CHN1: variants seen among roughly 807,000 people sequenced by gnomAD.
CHN1 encodes chimerin 1.
Under a neutral mutation model 59.5 loss-of-function variants are expected in CHN1, and 37 were observed. That is an observed-to-expected ratio of 0.62 (90% CI 0.48 to 0.82). CHN1 has a LOEUF of 0.82. CHN1 is among the 40% of genes least tolerant of loss of function. CHN1 has a pLI of 0.00. For synonymous variants in CHN1, 206 were observed against 200.4 expected (o/e 1.03, Z -0.24); for missense variants, 469 against 571.0 (o/e 0.82, Z 1.82).
At chr2:174,999,698 G>A (rs1410934173) in intron 1 of CHN1, among the ~76,000 whole-genome samples, 2 of 152,174 alleles carry the variant, frequency 1.3e-5, no homozygotes, top group African/African-American at 4.8e-5. Flanking sequence ...TTTACGTTAT[G>A]CAGAAAGCAG....
In CHN1 at chr2:174,827,767, C is replaced by A. The variant is rs376033613; in HGVS notation, c.628-3249G>T. On this transcript the variant is annotated intron_variant, in intron 7 of 12. Transcript: ENST00000409900. ...TATTTAGGAGGCAGAATCAACAGCG[C>A]TTGGTAACTAATTGAAACAGAGGCA... Among the ~76,000 whole-genome samples the A allele has an allele frequency of 9.0e-4, 137 of 152,228 alleles. 3 individuals are homozygous for A. The South Asian group carries it at 0.026, about 29-fold the overall frequency.
chr2:175,003,754 A>G (rs1210643062), intron 1 of CHN1, among the ~76,000 whole-genome samples: 1 of 152,240 alleles, frequency 6.6e-6, no homozygotes, highest in East Asian at 1.9e-4. Context: ...ACAGTCCCAG[A>G]CTGAAGCCTG....
At chr2:174,817,792 C>T (rs1205954623) in intron 8 of CHN1, among the ~76,000 whole-genome samples, 1 of 152,132 alleles carries the variant, frequency 6.6e-6, no homozygotes, top group Non-Finnish European at 1.5e-5. Flanking sequence ...CGCCCGCCAC[C>T]ACGCCTGGCT....
Position 174,913,123 on chromosome 2 carries a change from CTG to C in CHN1, c.260+1933_260+1934del, listed in dbSNP as rs150997244. On this transcript the variant is annotated intron_variant, in intron 5 of 12. Coordinates refer to ENST00000409900, the MANE Select transcript of CHN1 (RefSeq NM_001822.7). ...ATTTGCTGGTATCAGCTGGTGAAAA[CTG>C]TGTGACAGATATAAGATGACAGGCA... Among the ~76,000 whole-genome samples, 266 of 152,262 alleles carry C rather than the reference CTG, an allele frequency of 1.7e-3. 1 individual carries two copies. The highest frequency in any genetic ancestry group is 6.0e-3 in the African/African-American group (250 of 41,538).
chr2:174,884,689 C>A (rs1035464163), intron 5 of CHN1, among the ~76,000 whole-genome samples: 2 of 152,208 alleles, frequency 1.3e-5, no homozygotes, highest in Admixed American at 6.5e-5. Flanking sequence ...AATGGCCAAA[C>A]CCACATTAAG....
chr2:174,903,252 T>G (rs1688445997), intron 5 of CHN1, among the ~76,000 whole-genome samples: 1 of 152,206 alleles, frequency 6.6e-6, no homozygotes, highest in Admixed American at 6.5e-5. Context: ...GATCTTAAAC[T>G]ACCAATTAGC....
intron 8 of CHN1, among the ~76,000 whole-genome samples, chr2:174,818,567 TA>T (rs1291847539): frequency 3.3e-5 from 5 of 152,136 alleles, no homozygotes; most frequent in Admixed American, 1.3e-4. Context: ...AAAAGGTCCA[TA>T]AATGATTTCA....
At chr2:174,885,329 G>C (rs1368594393) in intron 5 of CHN1, among the ~76,000 whole-genome samples, 1 of 151,418 alleles carries the variant, frequency 6.6e-6, no homozygotes, top group African/African-American at 2.4e-5. Context: ...ACATATAACT[G>C]CCAAAATATA....
At chr2:174,861,111 A>G (rs1687054754) in intron 6 of CHN1, among the ~76,000 whole-genome samples, 1 of 152,224 alleles carries the variant, frequency 6.6e-6, no homozygotes, top group African/African-American at 2.4e-5. Context: ...GCTCTTGAGT[A>G]AAAACTAGCT....
chr2:174,821,017 C>T (rs1685474442), intron 8 of CHN1, among the ~76,000 whole-genome samples: 1 of 152,108 alleles, frequency 6.6e-6, no homozygotes, highest in South Asian at 2.1e-4. Flanking sequence ...TTTCTGACAG[C>T]CCACCATTTT....
intron 6 of CHN1, among the ~76,000 whole-genome samples, chr2:174,848,016 C>T (rs188112254): frequency 2.4e-4 from 37 of 152,020 alleles, no homozygotes; most frequent in Admixed American, 2.0e-3. Flanking sequence ...TTATTAAAGA[C>T]AAGGAAAAAC....
At position 174,981,960 on chromosome 2, in the gene CHN1, C is replaced by T. The variant is rs893442915; in HGVS notation, c.19+22934G>A. Among the ~76,000 whole-genome samples the T allele has an allele frequency of 3.3e-5, 5 of 152,256 alleles. No individual in the cohort carries two copies. In the South Asian group the frequency reaches 6.2e-4, roughly 19 times the overall value. On this transcript the variant is annotated intron_variant, in intron 1 of 12. Coordinates refer to ENST00000409900, the MANE Select transcript of CHN1 (RefSeq NM_001822.7). ...ATCCCTCCCTGCTCCCCCCACCCCA[C>T]GACAGGCCCCGGTGTGTGATGTTCC...
intron 5 of CHN1, among the ~76,000 whole-genome samples, chr2:174,903,496 T>C (rs1002891072): frequency 3.3e-5 from 5 of 152,170 alleles, no homozygotes; most frequent in African/African-American, 1.2e-4. Context: ...GGATAGAAAG[T>C]AATTGTGAAT....
chr2:174,847,178 G>A (rs1686549113), intron 6 of CHN1: 12 of 1,516,442 alleles, frequency 7.9e-6, no homozygotes, highest in East Asian at 2.5e-5. Context: ...TATGTCTGTC[G>A]ATGATATCTA....
At chr2:174,815,369 C>T (rs1350454919) in intron 8 of CHN1, among the ~76,000 whole-genome samples, 1 of 152,000 alleles carries the variant, frequency 6.6e-6, no homozygotes, top group Admixed American at 6.6e-5. Context: ...CACAGCGAGA[C>T]CCTGTCTCTA....
intron 6 of CHN1, chr2:174,847,606 G>C: frequency 7.6e-7 from 1 of 1,316,300 alleles, no homozygotes; most frequent in Non-Finnish European, 1.0e-6. Flanking sequence ...AGGGAAGGTG[G>C]GGGGAAGGGA....
At chr2:174,959,607 G>A (rs942892985) in intron 1 of CHN1, among the ~76,000 whole-genome samples, 1 of 152,174 alleles carries the variant, frequency 6.6e-6, no homozygotes, top group Non-Finnish European at 1.5e-5. Flanking sequence ...TGTCACAGAA[G>A]ACACTCATAG....
chr2:174,979,188 T>C (rs1405770401), intron 1 of CHN1, among the ~76,000 whole-genome samples: 3 of 152,210 alleles, frequency 2.0e-5, no homozygotes, highest in African/African-American at 7.2e-5. Flanking sequence ...AGTCAAGATA[T>C]TTTACAGTGG....
intron 5 of CHN1, among the ~76,000 whole-genome samples, chr2:174,914,842 C>CAAAAAAA (rs577375465): frequency 1.0e-5 from 1 of 100,070 alleles, no homozygotes; most frequent in Admixed American, 1.1e-4. Flanking sequence ...AGATTCCATT[C>CAAAAAAA]AAAAAAAAAA....
Sources: allele counts gnomAD v4.1 joint callset (sites outside exome capture counted in the v4.1 genomes callset), GRCh38; gene constraint gnomAD v4.1.1; transcripts MANE v1.5; gene names NCBI Gene and HGNC (gene_info 2026-07-23, HGNC 2026-07-21).